PRCP: variants seen among roughly 807,000 people sequenced by gnomAD.
PRCP encodes the protein prolylcarboxypeptidase.
A neutral mutation model predicts 54.2 loss-of-function variants in PRCP; 46 were observed. The ratio of observed to expected loss-of-function variants is 0.85; its 90% CI spans 0.67 to 1.09. The LOEUF is 1.09. Among genes scored for constraint, PRCP ranks in the 50% least tolerant of loss-of-function variants. PRCP has a pLI of 0.00. For synonymous variants in PRCP, 240 were observed against 212.2 expected (o/e 1.13, Z -1.14); for missense variants, 613 against 596.8 (o/e 1.03, Z -0.28).
intron 1 of PRCP, among the ~76,000 whole-genome samples, chr11:82,886,352 A>G (rs1225205505): frequency 6.6e-6 from 1 of 152,120 alleles, no homozygotes; most frequent in Non-Finnish European, 1.5e-5. Context: ...TGGTTCAATC[A>G]TAGCTCTCTG....
intron 1 of PRCP, among the ~76,000 whole-genome samples, chr11:82,883,024 C>G (rs1398229082): frequency 1.3e-5 from 2 of 152,080 alleles, no homozygotes; most frequent in Non-Finnish European, 2.9e-5. Flanking sequence ...GTTGACAAAA[C>G]CAAGTACTAA....
In PRCP at chr11:82,850,042, T is replaced by G; in HGVS notation, c.623A>C (p.Gln208Pro). The change falls in exon 5 of 9, where the codon CAG becomes CCG. Residue 208 changes from glutamine (Q) to proline (P), a missense_variant. By Grantham distance (76) the Gln-to-Pro change is moderately conservative (BLOSUM62 -1). Coordinates refer to ENST00000313010, the MANE Select transcript of PRCP (RefSeq NM_005040.4). ...ACCACAAGGTACTAAATCCTCAAAC[T>G]GCCAGATAGGGGCAGAAGCTGCAAG... is the stretch of plus-strand genomic sequence containing the variant. ...GALAASAPIW[Q>P]FEDLVPCGVF... The G allele has an allele frequency of 6.9e-7, 1 of 1,446,606 alleles. No homozygotes were observed. The highest frequency in any genetic ancestry group is 9.1e-7 in the Non-Finnish European group (1 of 1,093,776). 89.6% of individuals were successfully genotyped at this position (1,446,606 alleles called of 1,614,324 possible). A position where few individuals can be genotyped will look rare whatever the true frequency, so the allele number is the denominator to read the frequency against.
Position 82,838,526 on chromosome 11 carries a change from T to A in PRCP, c.1135A>T (p.Met379Leu), listed in dbSNP as rs201491332. ...AAGTTCCATGAGTGAGGTTCAAACATGTCATCGACACCATTAGTACAAAAG... is the reference window on the plus strand; with the variant it reads ...AAGTTCCATGAGTGAGGTTCAAACAAGTCATCGACACCATTAGTACAAAAG... ...MPFCTNGVDD[M>L]FEPHSWNLKE... The change falls in exon 8 of 9, where the codon ATG becomes TTG. Residue 379 changes from methionine (M) to leucine (L), a missense_variant. Coordinates refer to ENST00000313010, the MANE Select transcript of PRCP (RefSeq NM_005040.4). The A allele has an allele frequency of 6.2e-7, 1 of 1,613,966 alleles. No homozygotes were observed. Among genetic ancestry groups the A allele is most frequent in the African/African-American group, 1.3e-5 (1 of 74,926 alleles).
intron 8 of PRCP, among the ~76,000 whole-genome samples, chr11:82,832,293 T>C (rs759245990): frequency 1.3e-5 from 2 of 152,166 alleles, no homozygotes; most frequent in Non-Finnish European, 2.9e-5. Flanking sequence ...TCTTCCACAA[T>C]AGTTGAACTA....
At chr11:82,869,314 C>G (rs1204035058) in intron 1 of PRCP, among the ~76,000 whole-genome samples, 2 of 148,924 alleles carry the variant, frequency 1.3e-5, no homozygotes, top group Non-Finnish European at 3.0e-5. Context: ...TATGATCATG[C>G]CACTGCACTC....
upstream of PRCP, chr11:82,900,941 C>A: frequency 2.2e-6 from 1 of 444,744 alleles, no homozygotes. Flanking sequence ...GCACACGCAT[C>A]ATCTCCTCTA....
rs1858164578 is a variant in PRCP at position 82,824,302 on chromosome 11, G to GC, written c.*603dup. The GC allele has an allele frequency of 6.5e-6, 1 of 152,846 alleles. No homozygotes were observed. Among genetic ancestry groups the GC allele is most frequent in the Non-Finnish European group, 1.5e-5 (1 of 68,392 alleles). 9.5% of individuals were successfully genotyped at this position (152,846 alleles called of 1,614,324 possible). A position where few individuals can be genotyped will look rare whatever the true frequency, so the allele number is the denominator to read the frequency against. On this transcript the variant is annotated 3_prime_UTR_variant, in exon 9 of 9. Coordinates refer to ENST00000313010, the MANE Select transcript of PRCP (RefSeq NM_005040.4). ...TAAAGGACTTTCCAAAAACAGCTAAGCCCAGTGCACACAGCATTTCCATCA... is the reference window on the plus strand; with the variant it reads ...TAAAGGACTTTCCAAAAACAGCTAAGCCCCAGTGCACACAGCATTTCCATCA...
chr11:82,824,832 T>G lies in PRCP; in HGVS notation c.*74A>C, dbSNP rs1344827906. 7.1e-7 allele frequency: 1 copy of G among 1,400,754 alleles called. No homozygotes were observed. The highest frequency in any genetic ancestry group is 2.5e-5 in the East Asian group (1 of 40,578). The allele number at this position is 1,400,754 out of a possible 1,614,324, so 86.8% of individuals were successfully genotyped here. On this transcript the variant is annotated 3_prime_UTR_variant, in exon 9 of 9. Coordinates refer to ENST00000313010, the MANE Select transcript of PRCP (RefSeq NM_005040.4). ...TGATAAACAAAAGAAGGTAATTACA[T>G]GTAGAAAATCAAAGTGAATGGGAAT... is the stretch of plus-strand genomic sequence containing the variant.
chr11:82,856,862 C>G (rs1431400644), intron 2 of PRCP, among the ~76,000 whole-genome samples: 1 of 152,058 alleles, frequency 6.6e-6, no homozygotes, highest in Non-Finnish European at 1.5e-5. Context: ...CGGTGAAACC[C>G]TGTCTCTACT....
At chr11:82,845,259 CCAGA>C (rs1460945769) in intron 6 of PRCP, among the ~76,000 whole-genome samples, 1 of 152,038 alleles carries the variant, frequency 6.6e-6, no homozygotes, top group East Asian at 1.9e-4. Context: ...CCCACATGCA[CCAGA>C]CAAAGTAAAG....
chr11:82,837,451 G>T (rs1858555177), intron 8 of PRCP, among the ~76,000 whole-genome samples: 1 of 152,210 alleles, frequency 6.6e-6, no homozygotes, highest in Admixed American at 6.5e-5. Flanking sequence ...ATGGGGTAAG[G>T]AGATGCCTTT....
chr11:82,839,117 G>C (rs572671257), intron 7 of PRCP, 144 bp downstream of exon 7: 3 of 750,924 alleles, frequency 4.0e-6, no homozygotes, highest in Admixed American at 6.0e-5. Flanking sequence ...AAGAAAACTT[G>C]TCCATAGTAT....
At chr11:82,881,603 G>A (rs572992570) in intron 1 of PRCP, among the ~76,000 whole-genome samples, 6 of 152,292 alleles carry the variant, frequency 3.9e-5, no homozygotes, top group African/African-American at 1.4e-4. Flanking sequence ...AAAGAACAGA[G>A]GGACTGAAGG....
intron 2 of PRCP, among the ~76,000 whole-genome samples, chr11:82,855,120 G>A (rs1364004841): frequency 6.6e-6 from 1 of 152,090 alleles, no homozygotes; most frequent in Non-Finnish European, 1.5e-5. Flanking sequence ...CATCAGCCTT[G>A]GCAAAGAATT....
At chr11:82,849,815 T>C (rs1484138252) in intron 5 of PRCP, 99 bp downstream of exon 5, 18 of 1,108,316 alleles carry the variant, frequency 1.6e-5, no homozygotes, top group Middle Eastern at 3.1e-4. Context: ...ATGTACATTA[T>C]ACTTTAACAA....
chr11:82,866,492 CT>C (rs780092469), intron 1 of PRCP, among the ~76,000 whole-genome samples: 28 of 151,420 alleles, frequency 1.8e-4, no homozygotes, highest in Non-Finnish European at 2.4e-4. Context: ...GACTCCTATG[CT>C]TTTTTTTTCC....
In PRCP at chr11:82,833,073, T is replaced by C. The variant is rs530265920; in HGVS notation, c.1274+5314A>G. Among the ~76,000 whole-genome samples, 17 of 152,348 alleles carry C rather than the reference T, an allele frequency of 1.1e-4. No homozygotes were observed. In the South Asian group the frequency reaches 3.3e-3, roughly 30 times the overall value. ...TAAATTTTCACATGCTTCTGAAGCC[T>C]TCCTGAGCTGTGTATTTCATTCATC... On this transcript the variant is annotated intron_variant, in intron 8 of 8. Coordinates refer to ENST00000313010, the MANE Select transcript of PRCP (RefSeq NM_005040.4).
intron 8 of PRCP, chr11:82,828,094 T>C (rs904447067): frequency 1.3e-5 from 2 of 152,208 alleles, no homozygotes; most frequent in African/African-American, 4.8e-5. Context: ...TTGTTCATTG[T>C]AACAACCCTA....
intron 1 of PRCP, among the ~76,000 whole-genome samples, chr11:82,882,221 G>GA (rs1473359626): frequency 1.5e-4 from 23 of 151,656 alleles, no homozygotes; most frequent in South Asian, 2.1e-4. Flanking sequence ...GAGATGTATT[G>GA]AAAAAAAACG....
Sources: allele counts gnomAD v4.1 joint callset (sites outside exome capture counted in the v4.1 genomes callset), GRCh38; gene constraint gnomAD v4.1.1; transcripts MANE v1.5; gene names NCBI Gene and HGNC (gene_info 2026-07-23, HGNC 2026-07-21).